Variants in HECW2 observed in about 807,000 individuals in gnomAD.
HECW2 encodes E3 ubiquitin-protein ligase HECW2.
Under a neutral mutation model 175.2 loss-of-function variants are expected in HECW2, and 61 were observed. The observed-to-expected ratio is 0.35, with a 90% CI of 0.28 to 0.43. The LOEUF (loss-of-function observed/expected upper bound fraction) is 0.43. Ranked by LOEUF, HECW2 falls within the 20% of genes least tolerant of loss-of-function variation. HECW2 has a pLI of 1.00. For synonymous variants in HECW2, 671 were observed against 731.0 expected (o/e 0.92, Z 1.32); for missense variants, 1,524 against 2,000.5 (o/e 0.76, Z 4.54).
chr2:196,501,803 C>T (rs1007106797), intron 1 of HECW2, among the ~76,000 whole-genome samples: 1 of 152,188 alleles, frequency 6.6e-6, no homozygotes, highest in African/African-American at 2.4e-5. Flanking sequence ...GGTTTGGAAA[C>T]ATGAATGGTT....
At chr2:196,515,939 C>T (rs2125424188) in intron 1 of HECW2, among the ~76,000 whole-genome samples, 1 of 144,668 alleles carries the variant, frequency 6.9e-6, no homozygotes, top group East Asian at 2.0e-4. Context: ...GGCTAGCCAA[C>T]AGGGCGAAAC....
At chr2:196,278,258 T>C (rs143964392) in intron 15 of HECW2, among the ~76,000 whole-genome samples, 200 of 145,896 alleles carry the variant, frequency 1.4e-3, no homozygotes, top group African/African-American at 4.8e-3. Flanking sequence ...TTTAGTACAT[T>C]ATCAACACCC....
chr2:196,542,003 C>T (rs992933025), intron 1 of HECW2, among the ~76,000 whole-genome samples: 5 of 152,032 alleles, frequency 3.3e-5, no homozygotes, highest in African/African-American at 1.2e-4. Flanking sequence ...GTGGCTCATG[C>T]CTGTAATCCC....
intron 1 of HECW2, among the ~76,000 whole-genome samples, chr2:196,584,132 A>C (rs1191431029): frequency 6.6e-6 from 1 of 152,202 alleles, no homozygotes; most frequent in Non-Finnish European, 1.5e-5. Context: ...AAATGACAAA[A>C]ACCACTGTTT....
At chr2:196,317,495 T>C (rs1012443438) in intron 9 of HECW2, 126 bp from the exon 10 acceptor site, 2 of 688,264 alleles carry the variant, frequency 2.9e-6, no homozygotes, top group Non-Finnish European at 5.1e-6. Context: ...TCATTTCCCA[T>C]ATGAGGACCT....
intron 13 of HECW2, among the ~76,000 whole-genome samples, chr2:196,294,481 C>T (rs1246203002): frequency 6.6e-6 from 1 of 152,008 alleles, no homozygotes; most frequent in East Asian, 1.9e-4. Flanking sequence ...TAGTCTAAAT[C>T]GTATGGGTTC....
Position 196,550,676 on chromosome 2 carries a change from C to T in HECW2, c.-36+42832G>A, listed in dbSNP as rs145945890. On this transcript the variant is annotated intron_variant, in intron 1 of 28. Coordinates refer to ENST00000644978, the MANE Select transcript of HECW2 (RefSeq NM_001348768.2). ...GTTATAAATGCTATTTTGTGACTAT[C>T]TTTATTGCCTTAAAAATATATTGCA... 5.9e-4 allele frequency among the ~76,000 whole-genome samples: 90 copies of T among 152,288 alleles called. No homozygotes were observed. In the East Asian group the frequency reaches 9.2e-3, roughly 16 times the overall value.
At chr2:196,265,232 C>A (rs1689464562) in intron 17 of HECW2, among the ~76,000 whole-genome samples, 1 of 152,192 alleles carries the variant, frequency 6.6e-6, no homozygotes, top group Non-Finnish European at 1.5e-5. Flanking sequence ...CGCCTATAAT[C>A]CCAACACTTT....
intron 2 of HECW2, among the ~76,000 whole-genome samples, chr2:196,378,092 G>C (rs1694101812): frequency 6.6e-6 from 1 of 152,138 alleles, no homozygotes; most frequent in Non-Finnish European, 1.5e-5. Flanking sequence ...CTTGGGTTGG[G>C]AGTCAATGGG....
intron 1 of HECW2, among the ~76,000 whole-genome samples, chr2:196,581,819 C>T (rs1690795857): frequency 6.6e-6 from 1 of 152,112 alleles, no homozygotes; most frequent in Admixed American, 6.5e-5. Context: ...GTAATCCCAG[C>T]ACTCTGTGAG....
intron 1 of HECW2, among the ~76,000 whole-genome samples, chr2:196,469,237 G>A (rs1367802105): frequency 6.6e-6 from 1 of 151,926 alleles, no homozygotes; most frequent in Non-Finnish European, 1.5e-5. Context: ...AACATGTTAC[G>A]GGTGCCAAAA....
At chr2:196,591,396 T>C (rs1691187184) in intron 1 of HECW2, among the ~76,000 whole-genome samples, 1 of 152,102 alleles carries the variant, frequency 6.6e-6, no homozygotes, top group Admixed American at 6.5e-5. Flanking sequence ...CTAAGAAAGG[T>C]GCAACTGATT....
intron 10 of HECW2, among the ~76,000 whole-genome samples, chr2:196,314,286 G>C (rs1034070555): frequency 3.3e-5 from 5 of 152,214 alleles, no homozygotes; most frequent in African/African-American, 4.8e-5. Flanking sequence ...TTCCTGGTGG[G>C]TCTGACCTCA....
At chr2:196,326,091 G>A (rs113658509) in intron 5 of HECW2, among the ~76,000 whole-genome samples, 8 of 152,186 alleles carry the variant, frequency 5.3e-5, no homozygotes, top group African/African-American at 1.9e-4. Flanking sequence ...GTGGTTCAGA[G>A]AGAAATTCTG....
intron 1 of HECW2, among the ~76,000 whole-genome samples, chr2:196,483,094 T>TAAAAAAA (rs370614949): frequency 9.1e-6 from 1 of 110,432 alleles, no homozygotes; most frequent in African/African-American, 3.2e-5. Flanking sequence ...TTCATAGTTG[T>TAAAAAAA]AAAAAAAAAA....
chr2:196,252,644 A>C (rs1688902021), intron 19 of HECW2, among the ~76,000 whole-genome samples: 1 of 152,224 alleles, frequency 6.6e-6, no homozygotes, highest in African/African-American at 2.4e-5. Context: ...AACAGAAGCC[A>C]AGCAAATGCT....
intron 1 of HECW2, among the ~76,000 whole-genome samples, chr2:196,567,168 T>C (rs1484426305): frequency 6.6e-6 from 1 of 152,208 alleles, no homozygotes; most frequent in East Asian, 1.9e-4. Flanking sequence ...GAGGCATCTC[T>C]GACCGCACAG....
At chr2:196,439,139 G>A (rs953789252) in intron 1 of HECW2, among the ~76,000 whole-genome samples, 1 of 152,132 alleles carries the variant, frequency 6.6e-6, no homozygotes, top group Non-Finnish European at 1.5e-5. Flanking sequence ...ACCATGCAAG[G>A]TTGTTTTAAG....
intron 4 of HECW2, among the ~76,000 whole-genome samples, chr2:196,329,905 CT>C (rs536577587): frequency 2.6e-5 from 4 of 152,078 alleles, no homozygotes; most frequent in Admixed American, 6.6e-5. Context: ...CAAACTATGT[CT>C]TTTTTTCCCT....
Sources: gnomAD v4.1 joint callset for allele counts (sites outside exome capture counted in the v4.1 genomes callset) on GRCh38, gnomAD v4.1.1 for gene constraint, MANE v1.5 for transcripts, NCBI Gene and HGNC (gene_info 2026-07-23, HGNC 2026-07-21) for gene names.